Variants in CHLSN observed in about 807,000 individuals in gnomAD.
CHLSN encodes cholesin, also known as protein cholesin.
At chr7:989,086 C>A in the CHLSN span, 1 of 452,730 alleles carries the variant, frequency 2.2e-6, no homozygotes, top group Non-Finnish European at 3.9e-6. Flanking sequence ...GGGCCCCGCC[C>A]ACTCTCCCAC....
chr7:1,126,825 C>A, the CHLSN span, among the ~76,000 whole-genome samples: 9 of 152,178 alleles, frequency 5.9e-5, no homozygotes, highest in African/African-American at 9.7e-5. Flanking sequence ...GATTTTCAAA[C>A]GGACAATAAT....
chr7:1,082,987 C>T, the CHLSN span, among the ~76,000 whole-genome samples: 14 of 152,230 alleles, frequency 9.2e-5, no homozygotes, highest in African/African-American at 3.1e-4. Flanking sequence ...CTGGCAGTGA[C>T]CGAGGTGGGG....
the CHLSN span, among the ~76,000 whole-genome samples, chr7:1,128,047 A>G: frequency 3.7e-5 from 1 of 27,104 alleles, no homozygotes; most frequent in Non-Finnish European, 6.2e-5. Context: ...TCCCACCGTC[A>G]CCCGGGCTGG....
chr7:1,105,653 C>T, the CHLSN span, among the ~76,000 whole-genome samples: 2 of 151,560 alleles, frequency 1.3e-5, no homozygotes, highest in African/African-American at 2.5e-5. Flanking sequence ...CTCACTCTGT[C>T]GCCCAGGCTG....
the CHLSN span, among the ~76,000 whole-genome samples, chr7:999,658 C>G: frequency 6.6e-6 from 1 of 152,252 alleles, no homozygotes; most frequent in African/African-American, 2.4e-5. Context: ...GTGAGTGGGG[C>G]TGGTGGGCCT....
the CHLSN span, among the ~76,000 whole-genome samples, chr7:1,080,692 A>G: frequency 6.6e-6 from 1 of 152,368 alleles, no homozygotes; most frequent in East Asian, 1.9e-4. Flanking sequence ...TGAAAACTAC[A>G]GGTTCTCGGC....
the CHLSN span, among the ~76,000 whole-genome samples, chr7:1,118,592 G>T: frequency 6.6e-6 from 1 of 152,028 alleles, no homozygotes; most frequent in Non-Finnish European, 1.5e-5. Context: ...AAAAATGTTC[G>T]TGGAGTAGAA....
the CHLSN span, chr7:1,010,250 C>T: frequency 3.9e-6 from 4 of 1,037,116 alleles, no homozygotes; most frequent in African/African-American, 3.3e-5. Context: ...TGGCCAAAAG[C>T]TCTGTCCCCA....
At chr7:983,122 G>A in the CHLSN span, 9 of 1,141,364 alleles carry the variant, frequency 7.9e-6, no homozygotes, top group South Asian at 6.5e-5. Flanking sequence ...GGGGTGGGTG[G>A]GGTGCGGGCA....
the CHLSN span, among the ~76,000 whole-genome samples, chr7:1,079,691 C>T: frequency 1.3e-5 from 2 of 152,108 alleles, no homozygotes; most frequent in South Asian, 2.1e-4. Context: ...CAGGCCCTGG[C>T]GGGGGCTGGG....
the CHLSN span, among the ~76,000 whole-genome samples, chr7:1,122,590 C>T: frequency 3.3e-5 from 5 of 152,300 alleles, no homozygotes; most frequent in South Asian, 2.1e-4. Context: ...CCACCATGTC[C>T]GCCGACCCCA....
the CHLSN span, chr7:985,285 G>A: frequency 1.2e-5 from 19 of 1,551,526 alleles, no homozygotes; most frequent in South Asian, 5.9e-5. Context: ...GGGTCTCATC[G>A]ATGAGGTCAT....
the CHLSN span, chr7:1,093,786 T>C: frequency 2.3e-6 from 1 of 425,660 alleles, no homozygotes; most frequent in Non-Finnish European, 5.0e-6. Flanking sequence ...GTTCAGCCTT[T>C]GTCAATAAAC....
chr7:1,044,210 C>T, the CHLSN span, among the ~76,000 whole-genome samples: 1 of 152,246 alleles, frequency 6.6e-6, no homozygotes, highest in African/African-American at 2.4e-5. Context: ...GTGGGGCCTG[C>T]ACCCTGCAGA....
the CHLSN span, chr7:1,092,208 C>G: frequency 6.2e-7 from 1 of 1,613,104 alleles, no homozygotes; most frequent in Non-Finnish European, 8.5e-7. Context: ...TCGCCCTGGC[C>G]AGGGCCATGC....
chr7:983,092 T>C, the CHLSN span: 174,786 of 874,072 alleles, frequency 0.2, 19,299 homozygotes, highest in East Asian at 0.35. Flanking sequence ...AAACTGCTCG[T>C]TCCACATTCT....
At chr7:1,002,135 G>C in the CHLSN span, among the ~76,000 whole-genome samples, 1 of 134,370 alleles carries the variant, frequency 7.4e-6, no homozygotes. Flanking sequence ...GTGGAGCCCT[G>C]TGGGTGAGTG....
At chr7:1,058,855 G>C in the CHLSN span, 1 of 259,330 alleles carries the variant, frequency 3.9e-6, no homozygotes, top group East Asian at 7.7e-5. Context: ...ATACTTTGTG[G>C]TTAAAATACT....
the CHLSN span, among the ~76,000 whole-genome samples, chr7:1,020,090 G>A: frequency 6.6e-6 from 1 of 152,254 alleles, no homozygotes; most frequent in East Asian, 1.9e-4. Flanking sequence ...GGCCGGCGGA[G>A]TGGTGGTGTC....
Sources: gnomAD v4.1 joint callset for allele counts (sites outside exome capture counted in the v4.1 genomes callset) on GRCh38, gnomAD v4.1.1 for gene constraint, MANE v1.5 for transcripts, NCBI Gene and HGNC (gene_info 2026-07-23, HGNC 2026-07-21) for gene names.